CCDC122: variants seen among roughly 807,000 people sequenced by gnomAD.
CCDC122 encodes coiled-coil domain containing 122.
In CCDC122, 38 loss-of-function variants were observed where a neutral mutation model predicts 37.0. The observed-to-expected ratio is 1.03, with a 90% CI of 0.79 to 1.35. CCDC122 has a LOEUF of 1.35. CCDC122 is among the 40% of genes most tolerant of loss of function. The probability of loss-of-function intolerance (pLI) is 0.00; values close to 1 mark genes in which losing one functional copy is unlikely to be tolerated. For missense variants in CCDC122, 305 were observed against 310.0 expected (o/e 0.98, Z 0.12); for synonymous variants, 83 against 95.6 (o/e 0.87, Z 0.77).
chr13:43,827,270 A>T (rs1227997209), intron 3 of CCDC122, among the ~76,000 whole-genome samples: 1 of 152,228 alleles, frequency 6.6e-6, no homozygotes. Context: ...AAATGTTCAT[A>T]CATTTTGGTG....
At chr13:43,819,882 T>C (rs1594806928), downstream of CCDC122, among the ~76,000 whole-genome samples, 1 of 151,990 alleles carries the variant, frequency 6.6e-6, no homozygotes, top group Non-Finnish European at 1.5e-5. Context: ...TCTAAAAATA[T>C]GAAAAAGAGA....
At chr13:43,842,183 T>C (rs1953377786) in intron 6 of CCDC122, among the ~76,000 whole-genome samples, 1 of 152,202 alleles carries the variant, frequency 6.6e-6, no homozygotes, top group South Asian at 2.1e-4. Context: ...GTTTTAACTT[T>C]CACATTTAGA....
chr13:43,878,854 G>C (rs1954753275), intron 1 of CCDC122, among the ~76,000 whole-genome samples: 1 of 152,332 alleles, frequency 6.6e-6, no homozygotes, highest in African/African-American at 2.4e-5. Flanking sequence ...AAGGCGCTCG[G>C]AAGAGTGTTG....
chr13:43,820,563 C>T (rs549769118), downstream of CCDC122, among the ~76,000 whole-genome samples: 10 of 152,212 alleles, frequency 6.6e-5, no homozygotes, highest in South Asian at 6.2e-4. Flanking sequence ...TAAAAATCTA[C>T]GAGTTAATTA....
rs183971576 is a variant in CCDC122 at position 43,840,633 on chromosome 13, T to C, written c.673-3204A>G. On this transcript the variant is annotated intron_variant, in intron 6 of 6. Coordinates refer to ENST00000444614, the MANE Select transcript of CCDC122 (RefSeq NM_144974.5). ...CCCACCTAGGAGTGAGAACATGCGG[T>C]GTTTGGTTTTTTGTCTTGCAACAGT... Among the ~76,000 whole-genome samples, 469 of 151,994 alleles carry C rather than the reference T, an allele frequency of 3.1e-3. 3 individuals carry two copies. Among genetic ancestry groups the C allele is most frequent in the African/African-American group, 0.011 (448 of 41,382 alleles).
intron 5 of CCDC122, 111 bp downstream of exon 5, chr13:43,859,561 T>C (rs976447208): frequency 1.3e-5 from 11 of 816,062 alleles, no homozygotes; most frequent in Non-Finnish European, 1.9e-5. Context: ...CTGAAGGTAA[T>C]AGGACAGCTA....
Position 43,859,743 on chromosome 13 carries a change from A to AT in CCDC122, c.483dup (p.Leu162IlefsTer33). 1 of 1,597,884 alleles carries AT rather than the reference A, an allele frequency of 6.3e-7. No individual in the cohort carries two copies. On this transcript the variant is annotated frameshift_variant, in exon 5 of 7. Transcript: ENST00000444614. LOFTEE classifies it high-confidence loss of function. ...ATAAGTTCTTCTTTCATTGTCTTTA[A>AT]TTTTTTAACAAAATCTCGCTTTTCA...
chr13:43,873,016 AT>A (rs1306791500), intron 2 of CCDC122, among the ~76,000 whole-genome samples: 2 of 152,112 alleles, frequency 1.3e-5, no homozygotes, highest in African/African-American at 4.8e-5. Context: ...TTCCGTCTTC[AT>A]TTTACTTGAC....
chr13:43,825,366 C>A (rs2172540), intron 3 of CCDC122, among the ~76,000 whole-genome samples: 137,663 of 152,174 alleles, frequency 0.9, 62,935 homozygotes, highest in South Asian at 0.98. Flanking sequence ...ACACACAGAC[C>A]TAAAGATAGT....
At chr13:43,840,212 T>C (rs1234049446) in intron 6 of CCDC122, among the ~76,000 whole-genome samples, 1 of 152,190 alleles carries the variant, frequency 6.6e-6, no homozygotes, top group Admixed American at 6.5e-5. Context: ...CCATATTTTG[T>C]TCGCTTTAAC....
intron 6 of CCDC122, among the ~76,000 whole-genome samples, chr13:43,850,713 A>G (rs1355146635): frequency 6.6e-6 from 1 of 152,210 alleles, no homozygotes; most frequent in Non-Finnish European, 1.5e-5. Context: ...ATCTTTCGTT[A>G]TGGAAGGAGA....
intron 3 of CCDC122, among the ~76,000 whole-genome samples, chr13:43,826,649 C>A (rs1242363676): frequency 6.6e-6 from 1 of 152,010 alleles, no homozygotes; most frequent in Non-Finnish European, 1.5e-5. Context: ...AACCCCTGTG[C>A]CATCAACTAA....
chr13:43,869,258 A>C, intron 3 of CCDC122, 73 bp downstream of exon 3: 1 of 1,125,174 alleles, frequency 8.9e-7, no homozygotes, highest in South Asian at 1.3e-5. Flanking sequence ...ATTTTAACAC[A>C]ATTATCCTGC....
At position 43,873,830 on chromosome 13, in the gene CCDC122, C is replaced by T. The variant is rs552450773; in HGVS notation, c.-114+1012G>A. 1.4e-4 allele frequency among the ~76,000 whole-genome samples: 21 copies of T among 152,180 alleles called. No homozygotes were observed. In the South Asian group the frequency reaches 3.9e-3, roughly 29 times the overall value. On this transcript the variant is annotated intron_variant, in intron 2 of 6. Coordinates refer to ENST00000444614, the MANE Select transcript of CCDC122 (RefSeq NM_144974.5). ...CATTTTTCTTGACAGCATCTATTAC[C>T]ACCGACATCTCATACACGTCTTTTC...
chr13:43,869,488 TC>T lies in CCDC122; in HGVS notation c.-113del. 4 of 750,978 alleles carry T rather than the reference TC, an allele frequency of 5.3e-6. No individual in the cohort carries two copies. Among genetic ancestry groups the T allele is most frequent in the Non-Finnish European group, 8.6e-6 (4 of 466,570 alleles). 46.5% of individuals were successfully genotyped at this position (750,978 alleles called of 1,614,324 possible). On this transcript the variant is annotated splice_region_variant and 5_prime_UTR_variant, in exon 3 of 7. Coordinates refer to ENST00000444614, the MANE Select transcript of CCDC122 (RefSeq NM_144974.5). ...GTTTTTTCCTGTTGTATATTGGTGA[TC>T]CTGAAAGGTAAATTAATTGTCAAAC...
chr13:43,822,760 G>A (rs1953004168), downstream of CCDC122, among the ~76,000 whole-genome samples: 2 of 152,152 alleles, frequency 1.3e-5, no homozygotes. Context: ...GGGCACTGCT[G>A]ATGTTCACTT....
chr13:43,835,878 C>T (rs1953148659), downstream of CCDC122, among the ~76,000 whole-genome samples: 1 of 152,184 alleles, frequency 6.6e-6, no homozygotes, highest in Non-Finnish European at 1.5e-5. Context: ...TAGGTTTCAC[C>T]ATTTTCACTG....
chr13:43,824,064 G>A (rs1467935604), intron 3 of CCDC122: 1 of 152,142 alleles, frequency 6.6e-6, no homozygotes, highest in Non-Finnish European at 1.5e-5. Context: ...GTTTTAGCAA[G>A]GAGTTTAACC....
chr13:43,857,041 C>T (rs1425072055), intron 6 of CCDC122, among the ~76,000 whole-genome samples: 4 of 152,194 alleles, frequency 2.6e-5, no homozygotes, highest in East Asian at 1.9e-4. Flanking sequence ...AAAATTCCCA[C>T]GCTCAACATC....
Sources: gnomAD v4.1 joint callset for allele counts (sites outside exome capture counted in the v4.1 genomes callset) on GRCh38, gnomAD v4.1.1 for gene constraint, MANE v1.5 for transcripts, NCBI Gene and HGNC (gene_info 2026-07-23, HGNC 2026-07-21) for gene names.